SVBP: variants seen among roughly 807,000 people sequenced by gnomAD.
SVBP encodes the protein small vasohibin binding protein.
A neutral mutation model predicts 9.2 loss-of-function variants in SVBP; 9 were observed. That is an observed-to-expected ratio of 0.98 (90% CI 0.59 to 1.71). The LOEUF is 1.71. Among genes scored for constraint, SVBP ranks in the 40% most tolerant of loss-of-function variants. SVBP has a pLI of 0.00. For missense variants in SVBP, 63 were observed against 73.2 expected, an observed-to-expected ratio of 0.86 and a Z score of 0.51; for synonymous variants, 27 against 23.9, an observed-to-expected ratio of 1.13 and a Z score of -0.37.
chr1:42,816,394 A>C lies in SVBP; in HGVS notation c.114+37T>G, dbSNP rs376257181. 1.4e-4 allele frequency: 190 copies of C among 1,378,594 alleles called. No individual in the cohort carries two copies. The African/African-American group carries it at 2.5e-3, about 18-fold the overall frequency. The allele number at this position is 1,378,594 out of a possible 1,614,324, so 85.4% of individuals were successfully genotyped here. A position where few individuals can be genotyped will look rare whatever the true frequency, so the allele number is the denominator to read the frequency against. ...TCTCTATTCCAGCATCATCTCCAGC[A>C]GACTACAGGCATACAGAGCCTCCGC... is the stretch of plus-strand genomic sequence containing the variant. On this transcript the variant is annotated intron_variant, in intron 2 of 2. Transcript: ENST00000372521.
chr1:42,813,954 G>A (rs1654135578), intron 2 of SVBP: 1 of 197,092 alleles, frequency 5.1e-6, no homozygotes. Context: ...AAATGCACTA[G>A]TAAGTTTACT....
At chr1:42,813,884 C>T (rs1654134018) in intron 2 of SVBP, 1 of 272,138 alleles carries the variant, frequency 3.7e-6, no homozygotes, top group Non-Finnish European at 7.5e-6. Context: ...GGTAAAGGAC[C>T]ACAGCTCTCA....
At chr1:42,813,499 G>T in intron 2 of SVBP, 1 of 547,972 alleles carries the variant, frequency 1.8e-6, no homozygotes, top group South Asian at 1.4e-5. Context: ...TAATCTGGAT[G>T]GTTTCGATCC....
chr1:42,808,633 ATATG>A (rs1307644707), intron 2 of SVBP, among the ~76,000 whole-genome samples: 1 of 148,828 alleles, frequency 6.7e-6, no homozygotes, highest in South Asian at 2.1e-4. Context: ...ATAAGCCTAT[ATATG>A]TATGTATATA....
At chr1:42,815,060 C>A (rs1284877040) in intron 2 of SVBP, among the ~76,000 whole-genome samples, 1 of 152,022 alleles carries the variant, frequency 6.6e-6, no homozygotes, top group Admixed American at 6.6e-5. Context: ...GAGTTCATGT[C>A]CTTTGTAGGG....
chr1:42,810,121 T>TACAC (rs763790296), intron 2 of SVBP, among the ~76,000 whole-genome samples: 6 of 137,856 alleles, frequency 4.4e-5, no homozygotes, highest in Middle Eastern at 3.6e-3. Flanking sequence ...CACACATACA[T>TACAC]ACATACACAC....
Position 42,807,509 on chromosome 1 carries a change from G to T in SVBP, c.115-9C>A. 1 of 1,605,426 alleles carries T rather than the reference G, an allele frequency of 6.2e-7. No individual in the cohort carries two copies. Among genetic ancestry groups the T allele is most frequent in the Non-Finnish European group, 8.5e-7 (1 of 1,172,264 alleles). ...CTGTTGAGGGCATAGATCTGAATGA[G>T]AGAAAGAGATACATCTGTTAGCAAT... On this transcript the variant is annotated splice_polypyrimidine_tract_variant and intron_variant, in intron 2 of 2. Coordinates refer to ENST00000372521, the MANE Select transcript of SVBP (RefSeq NM_199342.4).
At chr1:42,816,341 C>G (rs1654207134) in intron 2 of SVBP, 90 bp downstream of exon 2, 2 of 944,524 alleles carry the variant, frequency 2.1e-6, no homozygotes, top group East Asian at 4.9e-5. Context: ...GCAAGTATGG[C>G]TCGCTGTCAG....
Position 42,813,062 on chromosome 1 carries a change from A to G in SVBP, c.114+3369T>C, listed in dbSNP as rs1212328174. On this transcript the variant is annotated intron_variant, in intron 2 of 2. Transcript: ENST00000372521. ...AATCCTAGTCAATCATTTTATAGCC[A>G]AATCCTCTTGTCTTTTAAATAACGC... is the stretch of plus-strand genomic sequence containing the variant. Among the ~76,000 whole-genome samples the G allele has an allele frequency of 3.3e-5, 5 of 152,224 alleles. No individual in the cohort carries two copies. In the East Asian group the frequency reaches 9.6e-4, roughly 29 times the overall value.
intron 2 of SVBP, among the ~76,000 whole-genome samples, chr1:42,810,279 C>T (rs149487602): frequency 1.3e-5 from 2 of 152,216 alleles, no homozygotes; most frequent in African/African-American, 4.8e-5. Context: ...TCCTGAGTAG[C>T]TGGGACTACA....
chr1:42,807,266 T>C lies in SVBP; in HGVS notation c.*148A>G, dbSNP rs1052642134. 8.7e-5 allele frequency: 43 copies of C among 494,578 alleles called. No individual in the cohort carries two copies. Among genetic ancestry groups the C allele is most frequent in the African/African-American group, 3.7e-4 (19 of 51,660 alleles). 30.6% of individuals were successfully genotyped at this position (494,578 alleles called of 1,614,324 possible). ...TTCAGATGGGAGGAACCAGTGAAGT[T>C]AGAAGTTACACACAGGAAGTGAGTT... On this transcript the variant is annotated 3_prime_UTR_variant, in exon 3 of 3. Coordinates refer to ENST00000372521, the MANE Select transcript of SVBP (RefSeq NM_199342.4).
intron 1 of SVBP, 37 bp downstream of exon 1, chr1:42,817,153 G>A (rs1247852044): frequency 1.1e-5 from 13 of 1,199,762 alleles, no homozygotes; most frequent in African/African-American, 3.3e-5. Context: ...AATGGCGGTC[G>A]CTGGAGCCGC....
chr1:42,810,115 C>T (rs200413439), intron 2 of SVBP, among the ~76,000 whole-genome samples: 2 of 120,214 alleles, frequency 1.7e-5, no homozygotes, highest in Admixed American at 8.3e-5. Flanking sequence ...CACACACACA[C>T]ATACATACAT....
intron 2 of SVBP, among the ~76,000 whole-genome samples, chr1:42,808,141 G>GTATATATATATATATA (rs1305299239): frequency 4.8e-5 from 2 of 41,676 alleles, no homozygotes; most frequent in Non-Finnish European, 8.9e-5. Flanking sequence ...TATAGTGTGT[G>GTATATATATATATATA]TGTGTGTGTA....
At chr1:42,810,789 A>T (rs1281046439) in intron 2 of SVBP, among the ~76,000 whole-genome samples, 2 of 152,100 alleles carry the variant, frequency 1.3e-5, no homozygotes, top group Non-Finnish European at 1.5e-5. Context: ...TTGAATAGAA[A>T]CTGTCTCTTC....
chr1:42,815,683 TA>T (rs1187506404), intron 2 of SVBP, among the ~76,000 whole-genome samples: 1 of 152,100 alleles, frequency 6.6e-6, no homozygotes, highest in Non-Finnish European at 1.5e-5. Flanking sequence ...TGAATAGTTC[TA>T]AAAAACAATG....
Position 42,817,389 on chromosome 1 carries a change from C to A in SVBP, c.-236G>T. The A allele has an allele frequency of 4.4e-6, 2 of 456,498 alleles. No homozygotes were observed. The highest frequency in any genetic ancestry group is 6.1e-6 in the Non-Finnish European group (2 of 327,710). 28.3% of individuals were successfully genotyped at this position (456,498 alleles called of 1,614,324 possible). A position where few individuals can be genotyped will look rare whatever the true frequency, so the allele number is the denominator to read the frequency against. On this transcript the variant is annotated 5_prime_UTR_variant, in exon 1 of 3. Transcript: ENST00000372521. ...GCTTCCGCCCGCAGGAGCGGCCGCG[C>A]GTGCGCAGAGAGGATGGCTGGAAAC... is the stretch of plus-strand genomic sequence containing the variant.
rs1429369162 is a variant in SVBP, at chr1:42,816,516, G to GT, written c.28dup (p.Thr10AsnfsTer4). ...TCTGCTGACAGATTCTTTAACTTTG[G>GT]TTTTTTCTTTACGTGCAGGTGGATC... On this transcript the variant is annotated frameshift_variant, in exon 2 of 3. Coordinates refer to ENST00000372521, the MANE Select transcript of SVBP (RefSeq NM_199342.4). LOFTEE classifies it high-confidence loss of function. 5.0e-6 allele frequency: 8 copies of GT among 1,613,976 alleles called. No individual in the cohort carries two copies. Among genetic ancestry groups the GT allele is most frequent in the Non-Finnish European group, 4.2e-6 (5 of 1,179,948 alleles).
At chr1:42,808,158 TATATATATATATATATATATAC>T (rs1269759755) in intron 2 of SVBP, among the ~76,000 whole-genome samples, 2,060 of 77,902 alleles carry the variant, frequency 0.026, 130 homozygotes, top group African/African-American at 0.084. Flanking sequence ...TGTATATATA[TATATATATATATATATATATAC>T]ATACTATGTA....
Sources: gnomAD v4.1 joint callset for allele counts (sites outside exome capture counted in the v4.1 genomes callset) on GRCh38, gnomAD v4.1.1 for gene constraint, MANE v1.5 for transcripts, NCBI Gene and HGNC (gene_info 2026-07-23, HGNC 2026-07-21) for gene names.